TENM2: variants seen among roughly 807,000 people sequenced by gnomAD.
TENM2 encodes teneurin transmembrane protein 2, also known as teneurin-2.
TENM2 carries 52 observed loss-of-function variants against 245.2 expected under a neutral mutation model. The observed-to-expected ratio is 0.21, with a 90% CI of 0.17 to 0.27. The LOEUF is 0.27. TENM2 is among the 10% of genes least tolerant of loss of function. TENM2 has a pLI of 1.00. For synonymous variants in TENM2, 1,363 were observed against 1,438.9 expected (o/e 0.95, Z 1.19); for missense variants, 3,046 against 3,666.8 (o/e 0.83, Z 4.37).
intron 5 of TENM2, among the ~76,000 whole-genome samples, chr5:168,009,911 C>T (rs1043723038): frequency 6.6e-6 from 1 of 152,186 alleles, no homozygotes; most frequent in African/African-American, 2.4e-5. Flanking sequence ...GGGAATTCTA[C>T]ATCGGTAACC....
chr5:168,082,329 G>A (rs1039077464), intron 7 of TENM2, among the ~76,000 whole-genome samples: 20 of 152,204 alleles, frequency 1.3e-4, no homozygotes, highest in African/African-American at 4.1e-4. Context: ...TTAGCCATTC[G>A]TCTAATCTTT....
chr5:167,594,716 G>GA, intron 2 of TENM2, among the ~76,000 whole-genome samples: 1 of 152,270 alleles, frequency 6.6e-6, no homozygotes. Context: ...AAAGGAGAGA[G>GA]GATTGTGCAC....
At chr5:167,955,717 A>G (rs537089908) in intron 4 of TENM2, among the ~76,000 whole-genome samples, 171 of 152,174 alleles carry the variant, frequency 1.1e-3, no homozygotes, top group Non-Finnish European at 8.8e-4. Flanking sequence ...CCATTTATTA[A>G]ATAGGGAATC....
At position 167,588,893 on chromosome 5, in the gene TENM2, C is replaced by A. The variant is rs1431339174; in HGVS notation, c.502+213420C>A. ...ATTCTTGGAACTTCCCTTCAGATCT[C>A]CAAGAAATATAAAAATCAGATGACA... On this transcript the variant is annotated intron_variant, in intron 2 of 28. Transcript: ENST00000518659. Among the ~76,000 whole-genome samples the A allele has an allele frequency of 5.3e-5, 8 of 152,250 alleles. No individual in the cohort carries two copies. In the East Asian group the frequency reaches 1.4e-3, roughly 26 times the overall value.
intron 9 of TENM2, among the ~76,000 whole-genome samples, chr5:168,104,109 A>C (rs1355412117): frequency 6.6e-6 from 1 of 151,454 alleles, no homozygotes; most frequent in Non-Finnish European, 1.5e-5. Flanking sequence ...GCTCACTGCA[A>C]CCTCCTTCTC....
intron 3 of TENM2, among the ~76,000 whole-genome samples, chr5:167,923,151 C>T (rs1446916849): frequency 6.6e-6 from 1 of 152,090 alleles, no homozygotes; most frequent in African/African-American, 2.4e-5. Context: ...TGGCAAAACC[C>T]CATCTCTACT....
intron 2 of TENM2, among the ~76,000 whole-genome samples, chr5:167,425,546 A>G (rs1300709975): frequency 6.6e-6 from 1 of 152,202 alleles, no homozygotes; most frequent in Non-Finnish European, 1.5e-5. Flanking sequence ...GATATTTGAT[A>G]TGCATTCTTG....
At chr5:167,380,594 T>C (rs1161272997) in intron 2 of TENM2, among the ~76,000 whole-genome samples, 1 of 152,152 alleles carries the variant, frequency 6.6e-6, no homozygotes, top group Non-Finnish European at 1.5e-5. Context: ...TCCCAGGGGC[T>C]ATCAAGGAAT....
intron 2 of TENM2, among the ~76,000 whole-genome samples, chr5:167,716,430 G>A (rs1421246641): frequency 6.6e-6 from 1 of 151,990 alleles, no homozygotes; most frequent in Non-Finnish European, 1.5e-5. Flanking sequence ...AGTTTTCATC[G>A]GCAGTGGGTT....
the TENM2 span, among the ~76,000 whole-genome samples, chr5:167,185,321 G>A: frequency 1.5e-4 from 23 of 151,904 alleles, no homozygotes; most frequent in Admixed American, 1.5e-3. Flanking sequence ...GTTGATTTGG[G>A]GATTTTAATG....
At chr5:167,728,283 G>T (rs1026490318) in intron 2 of TENM2, among the ~76,000 whole-genome samples, 5 of 151,982 alleles carry the variant, frequency 3.3e-5, no homozygotes, top group African/African-American at 1.2e-4. Flanking sequence ...CTACACACAA[G>T]TATTAGATAA....
chr5:167,050,768 G>A, the TENM2 span, among the ~76,000 whole-genome samples: 7 of 152,124 alleles, frequency 4.6e-5, no homozygotes, highest in Non-Finnish European at 1.0e-4. Context: ...ACTACCCTTA[G>A]TGAGAGTGAA....
the TENM2 span, among the ~76,000 whole-genome samples, chr5:167,107,520 T>A: frequency 5.9e-5 from 9 of 152,244 alleles, no homozygotes; most frequent in East Asian, 1.7e-3. Flanking sequence ...GATATATAGA[T>A]AAAATGGCTT....
intron 2 of TENM2, among the ~76,000 whole-genome samples, chr5:167,794,528 C>T (rs148545613): frequency 3.9e-5 from 6 of 152,182 alleles, no homozygotes; most frequent in African/African-American, 7.2e-5. Context: ...TTCTGTGTTC[C>T]GGTTGCTGAA....
At chr5:168,144,338 A>G (rs1397316356) in intron 12 of TENM2, among the ~76,000 whole-genome samples, 1 of 113,924 alleles carries the variant, frequency 8.8e-6, no homozygotes, top group South Asian at 2.8e-4. Flanking sequence ...CCCTACCCCC[A>G]CCCCACAACA....
At chr5:168,200,484 C>T (rs1209518732) in intron 17 of TENM2, among the ~76,000 whole-genome samples, 3 of 152,150 alleles carry the variant, frequency 2.0e-5, no homozygotes, top group Non-Finnish European at 2.9e-5. Flanking sequence ...ACATGAAAAT[C>T]AGAAGAAGAG....
At chr5:167,560,967 C>G (rs1390700919) in intron 2 of TENM2, among the ~76,000 whole-genome samples, 2 of 152,108 alleles carry the variant, frequency 1.3e-5, no homozygotes, top group Non-Finnish European at 2.9e-5. Context: ...CCTAACAGCC[C>G]GTGATGCACA....
At chr5:167,411,039 A>G (rs1762881044) in intron 2 of TENM2, among the ~76,000 whole-genome samples, 1 of 152,062 alleles carries the variant, frequency 6.6e-6, no homozygotes, top group African/African-American at 2.4e-5. Flanking sequence ...AAAGAGGAAC[A>G]TATTTGGTCA....
At chr5:168,260,468 A>C in intron 28 of TENM2, 55 bp downstream of exon 30, 1 of 1,601,732 alleles carries the variant, frequency 6.2e-7, no homozygotes, top group Non-Finnish European at 8.5e-7. Context: ...CCCTTTTGCA[A>C]ACAGAACCTC....
Sources: allele counts gnomAD v4.1 joint callset (sites outside exome capture counted in the v4.1 genomes callset), GRCh38; gene constraint gnomAD v4.1.1; transcripts MANE v1.5; gene names NCBI Gene and HGNC (gene_info 2026-07-23, HGNC 2026-07-21).